Variants in NIBAN2 observed in about 807,000 individuals in gnomAD.
The protein encoded by NIBAN2 is protein Niban 2.
Under a neutral mutation model 81.8 loss-of-function variants are expected in NIBAN2, and 36 were observed. The ratio of observed to expected loss-of-function variants is 0.44; its 90% CI spans 0.34 to 0.58. The LOEUF (loss-of-function observed/expected upper bound fraction) is 0.58. Ranked by LOEUF, NIBAN2 falls within the 20% of genes least tolerant of loss-of-function variation. The pLI is 0.02. For missense variants in NIBAN2, 897 were observed against 1,014.1 expected (o/e 0.88, Z 1.57); for synonymous variants, 445 against 441.6 (o/e 1.01, Z -0.10).
At position 127,527,211 on chromosome 9, in the gene NIBAN2, G is replaced by T; in HGVS notation, c.298C>A (p.Leu100Ile). The change falls in exon 3 of 14, where the codon CTC becomes ATC. Residue 100 changes from leucine (L) to isoleucine (I), a missense_variant. Leu to Ile is a conservative substitution (Grantham distance 5, BLOSUM62 2). This residue lies in a region of NIBAN2 where 209 missense variants were observed against 208.4 expected (regional missense o/e 1.00). Coordinates refer to ENST00000373312, the MANE Select transcript of NIBAN2 (RefSeq NM_022833.4). ...SLVPHNYGLV[L>I]YENKAAYERQ... ...GGCCTCACCGCTTTGTTTTCGTAGA[G>T]CACCAGCCCGTAGTTGTGGGGCACG... The T allele has an allele frequency of 6.2e-7, 1 of 1,613,800 alleles. No individual in the cohort carries two copies. The highest frequency in any genetic ancestry group is 8.5e-7 in the Non-Finnish European group (1 of 1,180,016).
chr9:127,564,899 G>C (rs1420966503), intron 1 of NIBAN2, among the ~76,000 whole-genome samples: 1 of 151,892 alleles, frequency 6.6e-6, no homozygotes, highest in Non-Finnish European at 1.5e-5. Flanking sequence ...TATAAACCAA[G>C]CTATTATGAG....
chr9:127,510,072 C>G, intron 9 of NIBAN2, 74 bp downstream of exon 9: 3 of 1,401,292 alleles, frequency 2.1e-6, no homozygotes, highest in South Asian at 2.8e-5. Context: ...CCCGGAGTCA[C>G]GCAGCCGGGG....
intron 1 of NIBAN2, among the ~76,000 whole-genome samples, chr9:127,534,587 C>T (rs1479181446): frequency 6.6e-6 from 1 of 152,148 alleles, no homozygotes; most frequent in Non-Finnish European, 1.5e-5. Context: ...CTGCCCACAC[C>T]CCGGGCCCTG....
intron 9 of NIBAN2, 76 bp downstream of exon 9, chr9:127,510,070 C>T: frequency 7.1e-7 from 1 of 1,400,214 alleles, no homozygotes; most frequent in Non-Finnish European, 9.7e-7. Flanking sequence ...TGCCCGGAGT[C>T]ACGCAGCCGG....
At chr9:127,554,507 C>G (rs1837630373) in intron 1 of NIBAN2, among the ~76,000 whole-genome samples, 1 of 149,742 alleles carries the variant, frequency 6.7e-6, no homozygotes, top group African/African-American at 2.5e-5. Flanking sequence ...AATTGTTCCA[C>G]TAAATACAGT....
At chr9:127,571,997 T>A (rs1417983768), upstream of NIBAN2, among the ~76,000 whole-genome samples, 1 of 152,192 alleles carries the variant, frequency 6.6e-6, no homozygotes, top group Non-Finnish European at 1.5e-5. Context: ...ATCAAACGGA[T>A]GCATTTTATT....
intron 8 of NIBAN2, among the ~76,000 whole-genome samples, chr9:127,511,779 A>C (rs990314551): frequency 5.3e-5 from 8 of 152,234 alleles, no homozygotes; most frequent in African/African-American, 1.9e-4. Flanking sequence ...ATATTTCCCC[A>C]AAGAAGACAT....
At chr9:127,522,838 C>T (rs1190345047) in intron 5 of NIBAN2, among the ~76,000 whole-genome samples, 1 of 151,802 alleles carries the variant, frequency 6.6e-6, no homozygotes, top group South Asian at 2.1e-4. Flanking sequence ...CTGCCCTGAT[C>T]GACCCCTCCC....
In NIBAN2 at chr9:127,536,171, C is replaced by T. The variant is rs1837274927; in HGVS notation, c.56-4393G>A. On this transcript the variant is annotated intron_variant, in intron 1 of 13. Transcript: ENST00000373312. The surrounding 1 kb of genome is among the most constrained non-coding windows in gnomAD (Gnocchi z 4.0). ...GGAAGGAACCGCCACGTGCTTTGTA[C>T]AGAGGAAGTAACCCAGAGACGCAGA... Among the ~76,000 whole-genome samples, 2 of 152,190 alleles carry T rather than the reference C, an allele frequency of 1.3e-5. No individual in the cohort carries two copies. Among genetic ancestry groups the T allele is most frequent in the Non-Finnish European group, 2.9e-5 (2 of 68,030 alleles).
chr9:127,564,183 C>T (rs1837819458), intron 1 of NIBAN2, among the ~76,000 whole-genome samples: 1 of 151,770 alleles, frequency 6.6e-6, no homozygotes, highest in African/African-American at 2.4e-5. Context: ...GTCCCAGCTA[C>T]TCAGGAGGCT....
rs1480505477 is a variant in NIBAN2, at chr9:127,546,810, G to A, written c.56-15032C>T. Among the ~76,000 whole-genome samples, 4 of 152,072 alleles carry A rather than the reference G, an allele frequency of 2.6e-5. No homozygotes were observed. The East Asian group carries it at 7.8e-4, about 30-fold the overall frequency. ...ACTCAGGAGAGAGTACCCTAATGAGGGAGGCAGATTGTCAACAAAAACTAC... is the reference window on the plus strand; with the variant it reads ...ACTCAGGAGAGAGTACCCTAATGAGAGAGGCAGATTGTCAACAAAAACTAC... On this transcript the variant is annotated intron_variant, in intron 1 of 13. Coordinates refer to ENST00000373312, the MANE Select transcript of NIBAN2 (RefSeq NM_022833.4).
intron 1 of NIBAN2, 111 bp from the exon 2 acceptor site, chr9:127,531,889 T>C: frequency 6.9e-7 from 1 of 1,442,258 alleles, no homozygotes; most frequent in Non-Finnish European, 9.5e-7. Context: ...CATGTGGAAT[T>C]GTTTGCACAG....
chr9:127,531,297 AC>A (rs1309929037), intron 2 of NIBAN2, among the ~76,000 whole-genome samples: 1 of 152,118 alleles, frequency 6.6e-6, no homozygotes, highest in Non-Finnish European at 1.5e-5. Flanking sequence ...AGCCTGGCCA[AC>A]ATGGTAAAAC....
At chr9:127,562,044 C>A (rs1209557535) in intron 1 of NIBAN2, among the ~76,000 whole-genome samples, 2 of 152,128 alleles carry the variant, frequency 1.3e-5, no homozygotes, top group South Asian at 2.1e-4. Context: ...GCTCTGCCCG[C>A]GGGGAAGGAG....
At position 127,506,441 on chromosome 9, in the gene NIBAN2, G is replaced by C. The variant is rs921231857; in HGVS notation, c.*404C>G. Reference sequence around the variant, plus strand: ...CCCTCTCCCGGTCCTGGCCCAGCCAGCTCCTGGGTGAGTGGGCGGGAACCC... The same window carrying C: ...CCCTCTCCCGGTCCTGGCCCAGCCACCTCCTGGGTGAGTGGGCGGGAACCC... On this transcript the variant is annotated 3_prime_UTR_variant, in exon 14 of 14. Coordinates refer to ENST00000373312, the MANE Select transcript of NIBAN2 (RefSeq NM_022833.4). 6.1e-6 allele frequency: 1 copy of C among 164,316 alleles called. No homozygotes were observed. The highest frequency in any genetic ancestry group is 1.3e-5 in the Non-Finnish European group (1 of 76,532). 10.2% of individuals were successfully genotyped at this position (164,316 alleles called of 1,614,324 possible).
intron 5 of NIBAN2, among the ~76,000 whole-genome samples, chr9:127,523,225 ATATATATATATATATATATATAT>A: frequency 1.5e-5 from 1 of 68,368 alleles, no homozygotes; most frequent in African/African-American, 5.7e-5. Context: ...ATATATATAT[ATATATATATATATATATATATAT>A]ATATAAAATT....
Position 127,508,358 on chromosome 9 carries a change from G to T in NIBAN2, c.1434+64C>A. 6.9e-7 allele frequency: 1 copy of T among 1,447,898 alleles called. No homozygotes were observed. The highest frequency in any genetic ancestry group is 9.6e-7 in the Non-Finnish European group (1 of 1,039,540). The allele number at this position is 1,447,898 out of a possible 1,614,324, so 89.7% of individuals were successfully genotyped here. ...AGGGACAGCAATCCTGGTGGTGGCCGGGGATGAGGCTCGGGGCTCGGCCTC... is the reference window on the plus strand; with the variant it reads ...AGGGACAGCAATCCTGGTGGTGGCCTGGGATGAGGCTCGGGGCTCGGCCTC... On this transcript the variant is annotated intron_variant, in intron 11 of 13. Transcript: ENST00000373312. The surrounding 1 kb of genome is among the most constrained non-coding windows in gnomAD (Gnocchi z 6.4).
Position 127,545,246 on chromosome 9 carries a change from A to C in NIBAN2, c.56-13468T>G, listed in dbSNP as rs564082125. Among the ~76,000 whole-genome samples, 2 of 152,144 alleles carry C rather than the reference A, an allele frequency of 1.3e-5. No homozygotes were observed. The highest frequency in any genetic ancestry group is 1.3e-4 in the Admixed American group (2 of 15,282). ...GCCACCTCCTCGGAACCCTCCCTCCAGACAAGTCCCGGCCTCCCAGGTCTC... is the reference window on the plus strand; with the variant it reads ...GCCACCTCCTCGGAACCCTCCCTCCCGACAAGTCCCGGCCTCCCAGGTCTC... On this transcript the variant is annotated intron_variant, in intron 1 of 13. Transcript: ENST00000373312. The surrounding 1 kb of genome is among the most constrained non-coding windows in gnomAD (Gnocchi z 4.7).
Position 127,568,804 on chromosome 9 carries a change from G to C in NIBAN2, c.55+16C>G. The C allele has an allele frequency of 7.6e-7, 1 of 1,307,190 alleles. No homozygotes were observed. Among genetic ancestry groups the C allele is most frequent in the African/African-American group, 1.6e-5 (1 of 64,478 alleles). The allele number at this position is 1,307,190 out of a possible 1,614,324, so 81.0% of individuals were successfully genotyped here. A position where few individuals can be genotyped will look rare whatever the true frequency, so the allele number is the denominator to read the frequency against. On this transcript the variant is annotated intron_variant, in intron 1 of 13. Coordinates refer to ENST00000373312, the MANE Select transcript of NIBAN2 (RefSeq NM_022833.4). ...CGGCAGGCCCCTGGGCGCGCGTGGC[G>C]CGGCGCGACCCTCACCTGCGATGTG...
Sources: gnomAD v4.1 joint callset for allele counts (sites outside exome capture counted in the v4.1 genomes callset) on GRCh38, gnomAD v4.1.1 for gene constraint, gnomAD v4.1.1 regional missense constraint, Gnocchi (gnomAD v3.1) non-coding constraint, MANE v1.5 for transcripts, NCBI Gene and HGNC (gene_info 2026-07-23, HGNC 2026-07-21) for gene names.